SHISAL1: variants seen among roughly 807,000 people sequenced by gnomAD.
The protein encoded by SHISAL1 is protein shisa-like-1.
A neutral mutation model predicts 22.6 loss-of-function variants in SHISAL1; 9 were observed. That is an observed-to-expected ratio of 0.40 (90% confidence interval 0.24 to 0.70). SHISAL1 has a LOEUF of 0.70. SHISAL1 is among the 30% of genes least tolerant of loss of function. SHISAL1 has a pLI of 0.39. For missense variants in SHISAL1, 246 were observed against 270.6 expected (o/e 0.91, Z 0.64); for synonymous variants, 119 against 115.4 (o/e 1.03, Z -0.20).
At chr22:44,253,012 A>T (rs1054647296) in intron 4 of SHISAL1, among the ~76,000 whole-genome samples, 1 of 151,700 alleles carries the variant, frequency 6.6e-6, no homozygotes, top group Non-Finnish European at 1.5e-5. Flanking sequence ...AATAAAAAAA[A>T]TAAAAAAAAA....
At chr22:44,279,054 G>A (rs2055259198) in intron 4 of SHISAL1, among the ~76,000 whole-genome samples, 1 of 152,192 alleles carries the variant, frequency 6.6e-6, no homozygotes, top group Non-Finnish European at 1.5e-5. Context: ...CACACAGCAG[G>A]TGGAGTCACT....
chr22:44,300,435 G>A (rs972968241), intron 2 of SHISAL1, among the ~76,000 whole-genome samples: 1 of 152,220 alleles, frequency 6.6e-6, no homozygotes, highest in Non-Finnish European at 1.5e-5. Context: ...GACCTCAACT[G>A]GGATCCCAGG....
Position 44,310,432 on chromosome 22 carries a change from C to T in SHISAL1, c.-33+2319G>A, listed in dbSNP as rs974006076. 1.3e-5 allele frequency among the ~76,000 whole-genome samples: 2 copies of T among 152,184 alleles called. No homozygotes were observed. The highest frequency in any genetic ancestry group is 4.8e-5 in the African/African-American group (2 of 41,440). ...AGGGTGCTGGGGGCGACCACATAGG[C>T]TTTGCAGCGAGTCTCCTTGGCCTTG... On this transcript the variant is annotated intron_variant, in intron 1 of 4. Coordinates refer to ENST00000381176, the MANE Select transcript of SHISAL1 (RefSeq NM_001099294.2). The surrounding 1 kb of genome is among the most constrained non-coding windows in gnomAD (Gnocchi z 4.0).
At chr22:44,322,844 T>A in the SHISAL1 span, among the ~76,000 whole-genome samples, 2 of 152,226 alleles carry the variant, frequency 1.3e-5, no homozygotes, top group Non-Finnish European at 2.9e-5. Context: ...GGGAAGCTTC[T>A]GCCCCCAAAC....
chr22:44,327,159 C>G, the SHISAL1 span, among the ~76,000 whole-genome samples: 1 of 152,040 alleles, frequency 6.6e-6, no homozygotes, highest in Non-Finnish European at 1.5e-5. Flanking sequence ...GCACAGCACA[C>G]GAGGCTCAGG....
Position 44,248,614 on chromosome 22 carries a change from C to T in SHISAL1, c.*1071G>A, listed in dbSNP as rs762303833. The T allele has an allele frequency of 6.6e-6, 1 of 152,194 alleles. No homozygotes were observed. The highest frequency in any genetic ancestry group is 1.5e-5 in the Non-Finnish European group (1 of 68,048). The allele number at this position is 152,194 out of a possible 1,614,324, so 9.4% of individuals were successfully genotyped here. On this transcript the variant is annotated 3_prime_UTR_variant, in exon 5 of 5. Transcript: ENST00000381176. ...AGATCCACGTGTCTGTGTCTCCCAC[C>T]AGATGGGAGGCTCCCCGGGGGCAGA... is the stretch of plus-strand genomic sequence containing the variant.
At chr22:44,258,799 A>T (rs2055101782) in intron 4 of SHISAL1, among the ~76,000 whole-genome samples, 1 of 152,234 alleles carries the variant, frequency 6.6e-6, no homozygotes, top group Non-Finnish European at 1.5e-5. Context: ...TATACATGAA[A>T]AGTGAAAACA....
chr22:44,306,439 G>GA (rs2055473929), intron 1 of SHISAL1, among the ~76,000 whole-genome samples: 1 of 107,328 alleles, frequency 9.3e-6, no homozygotes, highest in African/African-American at 3.5e-5. Context: ...GGGCTCAGGG[G>GA]GCTGTGATGA....
At chr22:44,279,260 C>A (rs1275063904) in intron 4 of SHISAL1, among the ~76,000 whole-genome samples, 5 of 152,226 alleles carry the variant, frequency 3.3e-5, no homozygotes, top group Non-Finnish European at 7.3e-5. Flanking sequence ...CTGGAGGGGA[C>A]AGCCCAGTTT....
the SHISAL1 span, among the ~76,000 whole-genome samples, chr22:44,322,202 A>G: frequency 2.0e-5 from 3 of 152,260 alleles, no homozygotes; most frequent in Non-Finnish European, 2.9e-5. Flanking sequence ...CTCTTCTCAC[A>G]GAAAGTTATG....
At chr22:44,252,056 C>A (rs542610186) in intron 4 of SHISAL1, among the ~76,000 whole-genome samples, 1 of 152,280 alleles carries the variant, frequency 6.6e-6, no homozygotes, top group East Asian at 1.9e-4. Context: ...ATTTGTGTAA[C>A]TGTAGGACTA....
chr22:44,289,233 G>T (rs8136256), intron 3 of SHISAL1, among the ~76,000 whole-genome samples: 16,121 of 152,180 alleles, frequency 0.11, 1,094 homozygotes, highest in South Asian at 0.17. Context: ...CTTGCCAAAG[G>T]CCACACAGCT....
chr22:44,328,126 C>T, the SHISAL1 span, among the ~76,000 whole-genome samples: 3 of 152,140 alleles, frequency 2.0e-5, no homozygotes, highest in East Asian at 1.9e-4. Context: ...GCAGGCCAGG[C>T]TCTGGGTCAG....
chr22:44,321,912 A>G, the SHISAL1 span, among the ~76,000 whole-genome samples: 1 of 152,150 alleles, frequency 6.6e-6, no homozygotes, highest in Non-Finnish European at 1.5e-5. Flanking sequence ...AGACTCCTGC[A>G]GGAGGGCCTG....
At position 44,296,815 on chromosome 22, in the gene SHISAL1, G is replaced by C; in HGVS notation, c.138C>G (p.His46Gln). ...DHKGRYHFGF[H>Q]CPRLSDNKTF... ...TCTTGTTGTCCGAGAGCCGGGGGCA[G>C]TGGAAGCCAAAGTGGTAGCGGCCTT... The change falls in exon 3 of 5, where the codon CAC (histidine) becomes CAG (glutamine). Residue 46 changes from histidine (H) to glutamine (Q), a missense_variant. Physicochemically the swap from His to Gln is conservative, Grantham distance 24. Coordinates refer to ENST00000381176, the MANE Select transcript of SHISAL1 (RefSeq NM_001099294.2). The C allele has an allele frequency of 6.2e-7, 1 of 1,613,906 alleles. No individual in the cohort carries two copies. Among genetic ancestry groups the C allele is most frequent in the South Asian group, 1.1e-5 (1 of 91,064 alleles).
chr22:44,290,224 C>T (rs1405302438), intron 3 of SHISAL1, among the ~76,000 whole-genome samples: 2 of 152,150 alleles, frequency 1.3e-5, no homozygotes, highest in Admixed American at 6.5e-5. Context: ...CTGCTAACCT[C>T]GTCTAAAAAA....
the SHISAL1 span, among the ~76,000 whole-genome samples, chr22:44,322,374 G>C: frequency 7.3e-4 from 111 of 152,252 alleles, 1 homozygote; most frequent in African/African-American, 2.5e-3. Context: ...CACTGCCCCA[G>C]GTGCCCCCTC....
intron 4 of SHISAL1, among the ~76,000 whole-genome samples, chr22:44,282,383 C>A (rs2055282650): frequency 6.6e-6 from 1 of 152,258 alleles, no homozygotes; most frequent in Admixed American, 6.5e-5. Flanking sequence ...CACCTGACTG[C>A]CCTGTCCTGG....
the SHISAL1 span, among the ~76,000 whole-genome samples, chr22:44,327,124 G>A: frequency 6.6e-6 from 1 of 152,096 alleles, no homozygotes; most frequent in Admixed American, 6.5e-5. Flanking sequence ...TCCACCAGCA[G>A]TTCCTGGGGC....
Sources: allele counts gnomAD v4.1 joint callset (sites outside exome capture counted in the v4.1 genomes callset), GRCh38; gene constraint gnomAD v4.1.1; non-coding constraint Gnocchi (gnomAD v3.1); transcripts MANE v1.5; gene names NCBI Gene and HGNC (gene_info 2026-07-23, HGNC 2026-07-21).